FAM98A: variants seen among roughly 807,000 people sequenced by gnomAD.
The protein encoded by FAM98A is protein FAM98A.
FAM98A carries 25 observed loss-of-function variants against 62.9 expected under a neutral mutation model. The ratio of observed to expected loss-of-function variants is 0.40; its 90% CI spans 0.29 to 0.56. FAM98A has a LOEUF of 0.56. FAM98A is among the 20% of genes least tolerant of loss of function. The probability of loss-of-function intolerance (pLI) is 0.51; values close to 1 mark genes in which losing one functional copy is unlikely to be tolerated. For missense variants in FAM98A, 653 were observed against 640.7 expected, an observed-to-expected ratio of 1.02 and a Z score of -0.21; for synonymous variants, 252 against 228.6, an observed-to-expected ratio of 1.10 and a Z score of -0.92.
chr2:33,587,083 A>G (rs1333193934), intron 5 of FAM98A, among the ~76,000 whole-genome samples, 157 bp downstream of exon 5: 1 of 152,266 alleles, frequency 6.6e-6, no homozygotes, highest in Admixed American at 6.5e-5. Flanking sequence ...AATATTCTGC[A>G]GAAATCCTGA....
At chr2:33,593,546 C>T (rs1325770156) in intron 2 of FAM98A, among the ~76,000 whole-genome samples, 1 of 152,210 alleles carries the variant, frequency 6.6e-6, no homozygotes, top group Non-Finnish European at 1.5e-5. Context: ...ATAGAGTTCA[C>T]TGGGTGAACC....
At chr2:33,591,020 C>T (rs1424322257) in intron 3 of FAM98A, among the ~76,000 whole-genome samples, 1 of 152,014 alleles carries the variant, frequency 6.6e-6, no homozygotes, top group Non-Finnish European at 1.5e-5. Flanking sequence ...AGAAATTGTA[C>T]AATATGAAGA....
chr2:33,589,677 C>T (rs776160975), intron 3 of FAM98A: 13 of 152,106 alleles, frequency 8.5e-5, no homozygotes, highest in Non-Finnish European at 1.8e-4. Flanking sequence ...TAACATGTTC[C>T]ATACAGCAAA....
Position 33,592,127 on chromosome 2 carries a change from T to A in FAM98A, c.290A>T (p.Asp97Val), listed in dbSNP as rs774049008. The part of the protein sequence containing the change: ...NCPYLSLTSG[D>V]VTKRLLIQKN... The stretch of plus-strand genomic sequence containing the variant: ...CTGAATGAGAAGGCGCTTGGTCACA[T>A]CCCCAGATGTCAGTGAAAGATACGG... Residue 97 changes from aspartate (D) to valine (V), a missense_variant, in exon 3 of 8, where the codon GAT becomes GTT. Asp to Val is a radical substitution (Grantham distance 152). Coordinates refer to ENST00000238823, the MANE Select transcript of FAM98A (RefSeq NM_015475.5). The A allele has an allele frequency of 3.7e-6, 6 of 1,613,428 alleles. No individual in the cohort carries two copies. Among genetic ancestry groups the A allele is most frequent in the African/African-American group, 1.3e-5 (1 of 74,878 alleles).
chr2:33,587,537 G>A (rs778165406), intron 4 of FAM98A: 7 of 522,330 alleles, frequency 1.3e-5, no homozygotes, highest in Non-Finnish European at 2.4e-5. Context: ...CTAGAACAGT[G>A]CCTGACAACA....
rs1378024273 is a variant in FAM98A at position 33,594,666 on chromosome 2, CACATATATATATACACACATATATAT to C, written c.202+797_202+822del. ...ATATATATATACACACATATATATA[CACATATATATATACACACATATATAT>C]ACACATATATATATACACACACACA... On this transcript the variant is annotated intron_variant, in intron 2 of 7. Coordinates refer to ENST00000238823, the MANE Select transcript of FAM98A (RefSeq NM_015475.5). Among the ~76,000 whole-genome samples the C allele has an allele frequency of 2.8e-4, 28 of 100,828 alleles. 5 individuals are homozygous for C. The highest frequency in any genetic ancestry group is 1.4e-3 in the African/African-American group (26 of 18,790). The allele number at this position is 100,828 out of a possible 152,430, so 66.1% of individuals were successfully genotyped here.
At chr2:33,590,810 G>A (rs1274271927) in intron 3 of FAM98A, among the ~76,000 whole-genome samples, 2 of 152,110 alleles carry the variant, frequency 1.3e-5, no homozygotes, top group African/African-American at 4.8e-5. Context: ...ACATTCAAGT[G>A]GTTTGTATAA....
chr2:33,588,145 G>A (rs1677599014), intron 4 of FAM98A, 190 bp downstream of exon 4: 2 of 599,054 alleles, frequency 3.3e-6, no homozygotes, highest in South Asian at 1.8e-5. Context: ...CATGTTTTTA[G>A]GAAAATACTA....
chr2:33,588,548 T>C, intron 3 of FAM98A, 29 bp from the exon 4 acceptor site: 1 of 1,586,240 alleles, frequency 6.3e-7, no homozygotes, highest in Non-Finnish European at 8.6e-7. Context: ...GATTTCAAAA[T>C]GAGATACAGC....
intron 3 of FAM98A, chr2:33,589,729 T>C (rs1677630289): frequency 6.6e-6 from 1 of 152,174 alleles, no homozygotes; most frequent in Non-Finnish European, 1.5e-5. Context: ...AAAACCCCAC[T>C]GTTAAGACAA....
intron 3 of FAM98A, among the ~76,000 whole-genome samples, chr2:33,590,854 T>C (rs1254027944): frequency 1.3e-5 from 2 of 152,184 alleles, no homozygotes; most frequent in African/African-American, 4.8e-5. Context: ...CTCTGAGCTC[T>C]TTGGAAGAAT....
In FAM98A at chr2:33,584,367, T is replaced by C. The variant is rs772243033; in HGVS notation, c.*409A>G. The C allele has an allele frequency of 1.6e-4, 28 of 178,206 alleles. No individual in the cohort carries two copies. Among genetic ancestry groups the C allele is most frequent in the Non-Finnish European group, 1.6e-4 (13 of 83,756 alleles). 11.0% of individuals were successfully genotyped at this position (178,206 alleles called of 1,614,324 possible). ...CAAAACACATATAAATGGTTATTCA[T>C]ATGAGGAAGGTTTCCTAGTAGTAAA... On this transcript the variant is annotated 3_prime_UTR_variant, in exon 8 of 8. Transcript: ENST00000238823.
At chr2:33,590,676 T>C (rs1294285373) in intron 3 of FAM98A, among the ~76,000 whole-genome samples, 2 of 152,216 alleles carry the variant, frequency 1.3e-5, no homozygotes, top group Admixed American at 1.3e-4. Context: ...GGTATATTCT[T>C]GAAAAGCATT....
intron 1 of FAM98A, among the ~76,000 whole-genome samples, chr2:33,597,638 T>C (rs1183106873): frequency 2.6e-5 from 4 of 152,128 alleles, no homozygotes; most frequent in Non-Finnish European, 5.9e-5. Flanking sequence ...CCGTGGCCAA[T>C]TCTTAAGTGA....
rs1039429451 is a variant in FAM98A at position 33,588,458 on chromosome 2, T to C, written c.399A>G (p.Lys133=). Residue 133 remains lysine (K), a synonymous_variant, in exon 4 of 8, where the codon AAA becomes AAG. Transcript: ENST00000238823. The stretch of plus-strand genomic sequence containing the variant: ...CCTCACTACCGCCTCCTTCTTGAGC[T>C]TTTTTTGGAGGAGCATTCACACAGA... ...RMLCVNAPPK[K]AQEGGGSEVF... The C allele has an allele frequency of 1.9e-6, 3 of 1,613,142 alleles. No individual in the cohort carries two copies. Among genetic ancestry groups the C allele is most frequent in the African/African-American group, 1.3e-5 (1 of 74,882 alleles).
chr2:33,599,264 T>C lies in FAM98A; in HGVS notation c.-43A>G, dbSNP rs982218812. 2 of 1,554,704 alleles carry C rather than the reference T, an allele frequency of 1.3e-6. No homozygotes were observed. Among genetic ancestry groups the C allele is most frequent in the Admixed American group, 1.7e-5 (1 of 59,926 alleles). ...ATTTCCGAGTCGTCAGGCTCCCCTC[T>C]TCGCCGGCAACGCGTACACTCGCGC... On this transcript the variant is annotated 5_prime_UTR_variant, in exon 1 of 8. Transcript: ENST00000238823.
intron 3 of FAM98A, among the ~76,000 whole-genome samples, chr2:33,591,492 T>C (rs1050277926): frequency 2.0e-5 from 3 of 152,272 alleles, no homozygotes; most frequent in Admixed American, 6.5e-5. Flanking sequence ...GTAAAAAACA[T>C]GGAAGGAAAG....
In FAM98A at chr2:33,584,768, C is replaced by T. The variant is rs200179631; in HGVS notation, c.*8G>A. The T allele has an allele frequency of 6.3e-6, 10 of 1,576,902 alleles. No homozygotes were observed. The highest frequency in any genetic ancestry group is 6.9e-6 in the Non-Finnish European group (8 of 1,155,434). ...TTGAGCTCTAGCAAAATGTAAGGTT[C>T]GGTAGCCTCAACTAGTGTAATGTCT... On this transcript the variant is annotated 3_prime_UTR_variant, in exon 8 of 8. Coordinates refer to ENST00000238823, the MANE Select transcript of FAM98A (RefSeq NM_015475.5).
chr2:33,594,932 C>A (rs928322900), intron 2 of FAM98A, among the ~76,000 whole-genome samples: 3 of 152,252 alleles, frequency 2.0e-5, no homozygotes, highest in Middle Eastern at 3.4e-3. Flanking sequence ...ACTAGTGCAA[C>A]AGTGGAAACA....
Sources: allele counts gnomAD v4.1 joint callset (sites outside exome capture counted in the v4.1 genomes callset), GRCh38; gene constraint gnomAD v4.1.1; transcripts MANE v1.5; gene names NCBI Gene and HGNC (gene_info 2026-07-23, HGNC 2026-07-21).